The following BTRC variants were observed in gnomAD, a reference collection of about 807,000 sequenced individuals.
The protein encoded by BTRC is beta-transducin repeat containing E3 ubiquitin protein ligase.
A neutral mutation model predicts 85.5 loss-of-function variants in BTRC; 42 were observed. That is an observed-to-expected ratio of 0.49 (90% confidence interval 0.38 to 0.64). BTRC has a LOEUF of 0.64. Ranked by LOEUF, BTRC falls within the 30% of genes least tolerant of loss-of-function variation. The pLI, the probability that BTRC is intolerant of heterozygous loss-of-function variation, is 0.00. For synonymous variants in BTRC, 255 were observed against 263.3 expected, an observed-to-expected ratio of 0.97 and a Z score of 0.30; for missense variants, 594 against 743.5, an observed-to-expected ratio of 0.80 and a Z score of 2.34.
At chr10:101,435,494 GT>G (rs1234799164) in intron 2 of BTRC, among the ~76,000 whole-genome samples, 1 of 152,090 alleles carries the variant, frequency 6.6e-6, no homozygotes, top group African/African-American at 2.4e-5. Context: ...TCAGTATGAT[GT>G]TTTTAAGATT....
chr10:101,448,156 A>G (rs543580869), intron 2 of BTRC, among the ~76,000 whole-genome samples: 2 of 152,318 alleles, frequency 1.3e-5, no homozygotes, highest in African/African-American at 4.8e-5. Flanking sequence ...ATTCTCTAGC[A>G]TTCCAGTAAC....
intron 2 of BTRC, among the ~76,000 whole-genome samples, chr10:101,437,736 C>T (rs893745889): frequency 1.3e-5 from 2 of 152,090 alleles, no homozygotes; most frequent in African/African-American, 4.8e-5. Flanking sequence ...ATCTGACCAC[C>T]ACCTCCCTCT....
chr10:101,431,865 A>G (rs981642855), intron 2 of BTRC, among the ~76,000 whole-genome samples: 2 of 152,224 alleles, frequency 1.3e-5, no homozygotes, highest in African/African-American at 4.8e-5. Flanking sequence ...AAAATTTAAT[A>G]TTAAACTTCC....
intron 4 of BTRC, among the ~76,000 whole-genome samples, chr10:101,493,406 A>G (rs893376608): frequency 3.9e-5 from 6 of 152,268 alleles, no homozygotes; most frequent in African/African-American, 1.4e-4. Context: ...AGTAGAATTC[A>G]GATTAAGTAA....
At chr10:101,461,612 A>G (rs1409284019) in intron 2 of BTRC, among the ~76,000 whole-genome samples, 3 of 152,220 alleles carry the variant, frequency 2.0e-5, no homozygotes, top group East Asian at 1.9e-4. Context: ...AACATCTACT[A>G]TAATCGAGAG....
At position 101,522,106 on chromosome 10, in the gene BTRC, C is replaced by G. The variant is rs555140769; in HGVS notation, c.556+236C>G. On this transcript the variant is annotated intron_variant, in intron 5 of 14. Coordinates refer to ENST00000370187, the MANE Select transcript of BTRC (RefSeq NM_033637.4). ...GGAATGCAGTGGTGTGATCTCAGCT[C>G]ACTGCAACACTGCAAGCTCCACCTC... 1.0e-3 allele frequency among the ~76,000 whole-genome samples: 131 copies of G among 126,004 alleles called. 1 individual carries two copies. Among genetic ancestry groups the G allele is most frequent in the African/African-American group, 3.9e-3 (130 of 33,520 alleles). 82.7% of individuals were successfully genotyped at this position (126,004 alleles called of 152,430 possible).
chr10:101,493,218 C>T (rs1028805349), intron 4 of BTRC, among the ~76,000 whole-genome samples: 2 of 152,082 alleles, frequency 1.3e-5, no homozygotes, highest in Admixed American at 6.5e-5. Flanking sequence ...ATGTGAATGA[C>T]TTCAAACAAA....
rs71016332 is a variant in BTRC, at chr10:101,547,328, C to CTTTTTTTTTT, written c.1657-3354_1657-3345dup. Among the ~76,000 whole-genome samples the CTTTTTTTTTT allele has an allele frequency of 1.8e-4, 14 of 79,636 alleles. 1 individual carries two copies. Among genetic ancestry groups the CTTTTTTTTTT allele is most frequent in the South Asian group, 5.5e-4 (1 of 1,810 alleles). The allele number at this position is 79,636 out of a possible 152,430, so 52.2% of individuals were successfully genotyped here. The stretch of plus-strand genomic sequence containing the variant: ...ATAAATAAGTAAATATATGGTTTTT[C>CTTTTTTTTTT]TTTTTTTTTTTTTTTTTTTTTTTTT... On this transcript the variant is annotated intron_variant, in intron 13 of 14. Transcript: ENST00000370187.
chr10:101,435,950 A>G (rs1366082560), intron 2 of BTRC, among the ~76,000 whole-genome samples: 1 of 152,180 alleles, frequency 6.6e-6, no homozygotes, highest in Non-Finnish European at 1.5e-5. Flanking sequence ...AAGAAGGAGA[A>G]GCTATGGAGT....
chr10:101,373,714 G>A (rs867079255), intron 1 of BTRC, among the ~76,000 whole-genome samples: 4 of 152,054 alleles, frequency 2.6e-5, no homozygotes, highest in Non-Finnish European at 5.9e-5. Context: ...TCAGGAGATC[G>A]AGACCATCCT....
chr10:101,433,256 T>G (rs566896262), intron 2 of BTRC, among the ~76,000 whole-genome samples: 32 of 152,308 alleles, frequency 2.1e-4, no homozygotes, highest in African/African-American at 7.7e-4. Flanking sequence ...TATATAGATG[T>G]TTATTATATT....
intron 4 of BTRC, among the ~76,000 whole-genome samples, chr10:101,509,817 G>A (rs972172023): frequency 5.4e-5 from 8 of 147,804 alleles, no homozygotes; most frequent in Non-Finnish European, 7.4e-5. Context: ...CTGCCCTGGC[G>A]TCCCAAAATT....
chr10:101,510,324 T>C (rs562282752), intron 4 of BTRC, among the ~76,000 whole-genome samples: 1 of 151,746 alleles, frequency 6.6e-6, no homozygotes, highest in Non-Finnish European at 1.5e-5. Context: ...CTGGCTAACA[T>C]GGTGAAACCC....
At chr10:101,423,336 TGTTA>T (rs1944159383) in intron 1 of BTRC, among the ~76,000 whole-genome samples, 1 of 152,196 alleles carries the variant, frequency 6.6e-6, no homozygotes, top group Admixed American at 6.5e-5. Flanking sequence ...TAACAAAGCT[TGTTA>T]GTTTGTTATA....
chr10:101,356,855 G>C (rs1942048360), intron 1 of BTRC, among the ~76,000 whole-genome samples: 1 of 152,212 alleles, frequency 6.6e-6, no homozygotes, highest in African/African-American at 2.4e-5. Flanking sequence ...AGATAGGCCG[G>C]GTGCGGTGGC....
At chr10:101,495,785 G>A (rs1005534195) in intron 4 of BTRC, among the ~76,000 whole-genome samples, 3 of 147,722 alleles carry the variant, frequency 2.0e-5, no homozygotes, top group Non-Finnish European at 4.6e-5. Flanking sequence ...GAACATACCT[G>A]TGTGATTACC....
At chr10:101,483,185 C>A (rs1018446776) in intron 4 of BTRC, among the ~76,000 whole-genome samples, 2 of 152,024 alleles carry the variant, frequency 1.3e-5, no homozygotes, top group Non-Finnish European at 2.9e-5. Context: ...CGAAGGGTAC[C>A]AATTAGTCCT....
chr10:101,450,691 G>A (rs1944936046), intron 2 of BTRC, among the ~76,000 whole-genome samples: 1 of 152,068 alleles, frequency 6.6e-6, no homozygotes, highest in Non-Finnish European at 1.5e-5. Context: ...TGTTAGTGCT[G>A]CCCCAAAATC....
At chr10:101,548,731 G>A (rs1018592797) in intron 13 of BTRC, among the ~76,000 whole-genome samples, 10 of 151,548 alleles carry the variant, frequency 6.6e-5, no homozygotes, top group Admixed American at 5.3e-4. Flanking sequence ...CAGCCTGAGC[G>A]ACAGAGCAAG....
Sources: allele counts gnomAD v4.1 joint callset (sites outside exome capture counted in the v4.1 genomes callset), GRCh38; gene constraint gnomAD v4.1.1; transcripts MANE v1.5; gene names NCBI Gene and HGNC (gene_info 2026-07-23, HGNC 2026-07-21).